Variants in HOMER2 observed in about 807,000 individuals in gnomAD.
HOMER2 encodes homer protein homolog 2.
In HOMER2, 27 loss-of-function variants were observed where a neutral mutation model predicts 47.0. That is an observed-to-expected ratio of 0.57 (90% CI 0.42 to 0.79). The LOEUF (loss-of-function observed/expected upper bound fraction) is 0.79, where lower values mean the gene tolerates loss of function less well. Ranked by LOEUF, HOMER2 falls within the 30% of genes least tolerant of loss-of-function variation. HOMER2 has a pLI of 0.00. For synonymous variants in HOMER2, 161 were observed against 163.8 expected, an observed-to-expected ratio of 0.98 and a Z score of 0.13; for missense variants, 443 against 435.0, an observed-to-expected ratio of 1.02 and a Z score of -0.16.
intron 3 of HOMER2, among the ~76,000 whole-genome samples, chr15:82,865,910 C>T (rs1017709618): frequency 1.3e-5 from 2 of 152,194 alleles, no homozygotes; most frequent in Non-Finnish European, 2.9e-5. Context: ...AAGTTTGCTG[C>T]AGGGGTGGGG....
At chr15:82,963,432 A>G (rs1596386169) in intron 1 of HOMER2, among the ~76,000 whole-genome samples, 1 of 152,248 alleles carries the variant, frequency 6.6e-6, no homozygotes, top group African/African-American at 2.4e-5. Flanking sequence ...TGGAGTCCCC[A>G]GTCAGGCTAA....
chr15:82,945,881 A>G (rs1305199329), intron 1 of HOMER2, among the ~76,000 whole-genome samples: 2 of 152,114 alleles, frequency 1.3e-5, no homozygotes. Context: ...AAGGTAGGAG[A>G]ATCGCTTGAA....
intron 1 of HOMER2, among the ~76,000 whole-genome samples, chr15:82,896,194 G>A (rs2052910172): frequency 6.6e-6 from 1 of 152,128 alleles, no homozygotes; most frequent in South Asian, 2.1e-4. Flanking sequence ...GTGGAGATGA[G>A]TGCGGCCTGT....
At chr15:82,870,856 C>T (rs1054287245) in intron 3 of HOMER2, among the ~76,000 whole-genome samples, 2 of 152,210 alleles carry the variant, frequency 1.3e-5, no homozygotes, top group African/African-American at 4.8e-5. Flanking sequence ...GCACTGGCAA[C>T]GCCATCCTGG....
At chr15:82,854,494 A>G in intron 6 of HOMER2, 150 bp downstream of exon 6, 3 of 667,922 alleles carry the variant, frequency 4.5e-6, no homozygotes, top group Non-Finnish European at 7.4e-6. Flanking sequence ...AGGGAGGGGG[A>G]GGGACGTTCC....
chr15:82,937,808 T>C (rs571784597), intron 1 of HOMER2, among the ~76,000 whole-genome samples: 72 of 152,330 alleles, frequency 4.7e-4, no homozygotes, highest in Non-Finnish European at 1.3e-4. Flanking sequence ...TGGCTGTCCC[T>C]GTGCACCCAC....
intron 3 of HOMER2, among the ~76,000 whole-genome samples, chr15:82,867,995 G>A (rs529521207): frequency 4.9e-4 from 74 of 151,988 alleles, no homozygotes; most frequent in African/African-American, 1.6e-3. Context: ...GTGAAAAATC[G>A]CCTCCCTCCA....
intron 1 of HOMER2, among the ~76,000 whole-genome samples, chr15:82,940,559 C>G (rs1364126766): frequency 4.6e-5 from 7 of 152,082 alleles, no homozygotes; most frequent in Admixed American, 4.6e-4. Context: ...CTGGCTAACA[C>G]AGTGAAACCC....
At chr15:82,978,487 A>G (rs1355800508) in intron 1 of HOMER2, among the ~76,000 whole-genome samples, 1 of 152,192 alleles carries the variant, frequency 6.6e-6, no homozygotes, top group Non-Finnish European at 1.5e-5. Flanking sequence ...CACTGCAAAC[A>G]GAAGGGACAG....
intron 3 of HOMER2, among the ~76,000 whole-genome samples, chr15:82,870,388 C>G (rs1165883337): frequency 6.6e-6 from 1 of 152,126 alleles, no homozygotes; most frequent in East Asian, 1.9e-4. Context: ...TCTTCCTCCT[C>G]CCTCTCGCCA....
intron 8 of HOMER2, 99 bp from the exon 9 acceptor site, chr15:82,850,002 A>G: frequency 1.6e-6 from 2 of 1,262,624 alleles, no homozygotes; most frequent in Non-Finnish European, 1.1e-6. Context: ...ATCCAATCTG[A>G]GGGCCTGGGC....
chr15:82,962,378 A>G (rs1455223791), intron 1 of HOMER2, among the ~76,000 whole-genome samples: 13 of 148,166 alleles, frequency 8.8e-5, no homozygotes, highest in Admixed American at 8.1e-4. Context: ...AAAAAAAAAA[A>G]AAAAAAAATG....
chr15:82,891,023 C>T (rs1281074428), intron 2 of HOMER2, among the ~76,000 whole-genome samples: 1 of 152,198 alleles, frequency 6.6e-6, no homozygotes, highest in Non-Finnish European at 1.5e-5. Flanking sequence ...TAGCACACTT[C>T]CTTACTGCTC....
intron 1 of HOMER2, among the ~76,000 whole-genome samples, chr15:82,962,886 G>T (rs1300517769): frequency 6.6e-6 from 1 of 152,158 alleles, no homozygotes; most frequent in African/African-American, 2.4e-5. Context: ...AAGAGAAAAG[G>T]GAGAAAACAT....
chr15:82,849,759 G>A lies in HOMER2; in HGVS notation c.988C>T (p.His330Tyr). 1 of 1,613,928 alleles carries A rather than the reference G, an allele frequency of 6.2e-7. No homozygotes were observed. Among genetic ancestry groups the A allele is most frequent in the Non-Finnish European group, 8.5e-7 (1 of 1,179,860 alleles). The change falls in exon 9 of 9, where the codon CAT becomes TAT. Residue 330 changes from histidine to tyrosine, a missense_variant. His to Tyr is a moderately conservative substitution (Grantham distance 83). Coordinates refer to ENST00000450735, the MANE Select transcript of HOMER2 (RefSeq NM_004839.4). ...TTGGAGAGCCCTCGGCGGAAGTCAT[G>A]CAGGTCGTCAATCTTCCCGTCCAGC... ...EVLDGKIDDL[H>Y]DFRRGLSKLG...
intron 1 of HOMER2, among the ~76,000 whole-genome samples, chr15:82,902,099 C>G (rs1341609606): frequency 6.6e-6 from 1 of 152,068 alleles, no homozygotes; most frequent in Non-Finnish European, 1.5e-5. Flanking sequence ...AAAATTCATC[C>G]CACCTGAATC....
At chr15:82,967,373 A>T (rs571698424) in intron 1 of HOMER2, among the ~76,000 whole-genome samples, 32 of 151,586 alleles carry the variant, frequency 2.1e-4, no homozygotes, top group East Asian at 5.8e-4. Flanking sequence ...CGTAAGTTTT[A>T]AAAAAAAAGA....
intron 5 of HOMER2, among the ~76,000 whole-genome samples, chr15:82,857,161 A>G (rs2051612892): frequency 6.6e-6 from 1 of 152,064 alleles, no homozygotes; most frequent in East Asian, 1.9e-4. Context: ...TGAGGATGAA[A>G]TCTTTATGAA....
At chr15:82,899,045 CA>C (rs998419287) in intron 1 of HOMER2, among the ~76,000 whole-genome samples, 13 of 152,230 alleles carry the variant, frequency 8.5e-5, no homozygotes, top group African/African-American at 3.1e-4. Flanking sequence ...AGATGGGTCA[CA>C]CTCTGCCTGC....
Sources: allele counts gnomAD v4.1 joint callset (sites outside exome capture counted in the v4.1 genomes callset), GRCh38; gene constraint gnomAD v4.1.1; transcripts MANE v1.5; gene names NCBI Gene and HGNC (gene_info 2026-07-23, HGNC 2026-07-21).